The following GIN1 variants were observed in gnomAD, a reference collection of about 807,000 sequenced individuals.
GIN1 encodes gypsy retrotransposon integrase-like protein 1.
GIN1 carries 41 observed loss-of-function variants against 51.4 expected under a neutral mutation model. The ratio of observed to expected loss-of-function variants is 0.80; its 90% CI spans 0.62 to 1.04. The LOEUF is 1.04. Among genes scored for constraint, GIN1 ranks in the 50% least tolerant of loss-of-function variants. The pLI is 0.00. For missense variants in GIN1, 610 were observed against 612.4 expected (o/e 1.00, Z 0.04); for synonymous variants, 222 against 206.5 (o/e 1.07, Z -0.64).
intron 6 of GIN1, among the ~76,000 whole-genome samples, chr5:103,097,078 T>C (rs1048092837): frequency 3.9e-5 from 6 of 152,176 alleles, no homozygotes; most frequent in Non-Finnish European, 7.4e-5. Flanking sequence ...GACTACAGAT[T>C]TGAATCCAGC....
At chr5:103,114,925 G>A (rs541905946) in intron 1 of GIN1, among the ~76,000 whole-genome samples, 1 of 152,248 alleles carries the variant, frequency 6.6e-6, no homozygotes, top group South Asian at 2.1e-4. Flanking sequence ...AATGTAGCTA[G>A]TGGTTTTGGC....
At chr5:103,091,230 T>C (rs1291927146) in intron 7 of GIN1, among the ~76,000 whole-genome samples, 4 of 152,220 alleles carry the variant, frequency 2.6e-5, no homozygotes, top group African/African-American at 4.8e-5. Context: ...ATATTTTGGA[T>C]ACACTGGATT....
In GIN1 at chr5:103,086,704, C is replaced by T. The variant is rs1267774180; in HGVS notation, c.*1194G>A. On this transcript the variant is annotated 3_prime_UTR_variant, in exon 8 of 8. Coordinates refer to ENST00000399004, the MANE Select transcript of GIN1 (RefSeq NM_017676.2). ...TGCCTCCCTAAGTACATTATCTACA[C>T]CTGTCTTCTGCAATTTAGCATGCCT... 1 of 152,174 alleles carries T rather than the reference C, an allele frequency of 6.6e-6. No homozygotes were observed. The highest frequency in any genetic ancestry group is 6.5e-5 in the Admixed American group (1 of 15,290). 9.4% of individuals were successfully genotyped at this position (152,174 alleles called of 1,614,324 possible).
chr5:103,112,549 T>C (rs1787917040), intron 1 of GIN1, among the ~76,000 whole-genome samples: 1 of 152,180 alleles, frequency 6.6e-6, no homozygotes. Context: ...TTCCTTTCTA[T>C]ACCCATGGCC....
chr5:103,089,977 C>CA (rs1196815166), intron 7 of GIN1, among the ~76,000 whole-genome samples: 324 of 149,910 alleles, frequency 2.2e-3, no homozygotes, highest in African/African-American at 6.3e-3. Flanking sequence ...TTCTGAAAGA[C>CA]AAAAAAAAAT....
intron 4 of GIN1, among the ~76,000 whole-genome samples, chr5:103,103,995 T>A (rs1787648929): frequency 6.6e-6 from 1 of 151,858 alleles, no homozygotes; most frequent in Admixed American, 6.6e-5. Flanking sequence ...GCTCTGTCGC[T>A]CAGGCTGGAG....
intron 4 of GIN1, among the ~76,000 whole-genome samples, chr5:103,101,338 C>G (rs1402170845): frequency 6.6e-6 from 1 of 152,176 alleles, no homozygotes; most frequent in African/African-American, 2.4e-5. Context: ...GAGATTTTAT[C>G]ACTATACGCA....
rs1228650184 is a variant in GIN1 at position 103,086,023 on chromosome 5, T to G, written c.*1875A>C. On this transcript the variant is annotated 3_prime_UTR_variant, in exon 8 of 8. Transcript: ENST00000399004. ...GATGGCTGAAACAATAGAATTTTAT[T>G]GTCTCACAGTTCTGGAGGCAAAAGT... 11 of 152,174 alleles carry G rather than the reference T, an allele frequency of 7.2e-5. No homozygotes were observed. Among genetic ancestry groups the G allele is most frequent in the African/African-American group, 2.2e-4 (9 of 41,416 alleles). The allele number at this position is 152,174 out of a possible 1,614,324, so 9.4% of individuals were successfully genotyped here.
chr5:103,109,817 G>A (rs1787823600), intron 1 of GIN1, among the ~76,000 whole-genome samples: 1 of 151,998 alleles, frequency 6.6e-6, no homozygotes, highest in African/African-American at 2.4e-5. Context: ...TCATCTCAAA[G>A]ATGAATGGAT....
chr5:103,106,602 T>C (rs1473047282), intron 3 of GIN1, 114 bp downstream of exon 3: 49 of 610,648 alleles, frequency 8.0e-5, no homozygotes, highest in South Asian at 2.1e-4. Context: ...CTTTAAGTGA[T>C]TGCCAAAAAT....
intron 7 of GIN1, among the ~76,000 whole-genome samples, chr5:103,095,115 A>T (rs549903170): frequency 6.6e-6 from 1 of 152,306 alleles, no homozygotes; most frequent in African/African-American, 2.4e-5. Flanking sequence ...AATATTTGCT[A>T]AAGCCTGTCA....
chr5:103,100,921 T>C (rs1196960970), intron 4 of GIN1, among the ~76,000 whole-genome samples: 1 of 152,200 alleles, frequency 6.6e-6, no homozygotes, highest in Non-Finnish European at 1.5e-5. Flanking sequence ...TAATTTCCTA[T>C]CAGATCTGAT....
chr5:103,118,644 G>A (rs369649912), intron 1 of GIN1, among the ~76,000 whole-genome samples: 1 of 152,030 alleles, frequency 6.6e-6, no homozygotes, highest in African/African-American at 2.4e-5. Context: ...TAGAAAATGC[G>A]TAAGAAAGAA....
At chr5:103,090,337 T>C (rs1412635835) in intron 7 of GIN1, among the ~76,000 whole-genome samples, 1 of 152,152 alleles carries the variant, frequency 6.6e-6, no homozygotes, top group Non-Finnish European at 1.5e-5. Context: ...TTATACCCAA[T>C]AGCAGCAAGA....
At chr5:103,118,769 C>CATAT (rs1554197824) in intron 1 of GIN1, among the ~76,000 whole-genome samples, 1 of 85,284 alleles carries the variant, frequency 1.2e-5, no homozygotes. Context: ...TTTCAAAGCC[C>CATAT]ATACATATGA....
chr5:103,090,516 T>C (rs1449664383), intron 7 of GIN1, among the ~76,000 whole-genome samples: 2 of 152,170 alleles, frequency 1.3e-5, no homozygotes, highest in Admixed American at 6.5e-5. Context: ...GATGAAATTT[T>C]CTACTAAGTC....
At chr5:103,092,733 T>C (rs34806) in intron 7 of GIN1, among the ~76,000 whole-genome samples, 45,971 of 151,254 alleles carry the variant, frequency 0.3, 7,141 homozygotes, top group East Asian at 0.45. Flanking sequence ...ACTGCTTGAG[T>C]CCAGGAGTTT....
intron 2 of GIN1, among the ~76,000 whole-genome samples, chr5:103,108,345 T>C (rs1419487211): frequency 2.6e-5 from 4 of 152,076 alleles, no homozygotes; most frequent in African/African-American, 9.7e-5. Flanking sequence ...TTTTCTTTCA[T>C]GGTATCATAT....
At chr5:103,092,039 G>A (rs1787254404) in intron 7 of GIN1, among the ~76,000 whole-genome samples, 1 of 151,024 alleles carries the variant, frequency 6.6e-6, no homozygotes, top group East Asian at 1.9e-4. Context: ...AAAAAAAAAA[G>A]ATGGGGTCTC....
Sources: gnomAD v4.1 joint callset for allele counts (sites outside exome capture counted in the v4.1 genomes callset) on GRCh38, gnomAD v4.1.1 for gene constraint, MANE v1.5 for transcripts, NCBI Gene and HGNC (gene_info 2026-07-23, HGNC 2026-07-21) for gene names.